SDK1: variants seen among roughly 807,000 people sequenced by gnomAD.
The protein encoded by SDK1 is protein sidekick-1.
Under a neutral mutation model 245.5 loss-of-function variants are expected in SDK1, and 157 were observed. The ratio of observed to expected loss-of-function variants is 0.64; its 90% CI spans 0.56 to 0.73. SDK1 has a LOEUF of 0.73. Among genes scored for constraint, SDK1 ranks in the 30% least tolerant of loss-of-function variants. The probability of loss-of-function intolerance (pLI) is 0.00; values close to 1 mark genes in which losing one functional copy is unlikely to be tolerated. For synonymous variants in SDK1, 1,647 were observed against 1,278.5 expected, an observed-to-expected ratio of 1.29 and a Z score of -6.15; for missense variants, 3,583 against 3,002.3, an observed-to-expected ratio of 1.19 and a Z score of -4.52.
chr7:3,699,975 AG>A (rs902485593), intron 4 of SDK1, among the ~76,000 whole-genome samples: 1 of 127,376 alleles, frequency 7.9e-6, no homozygotes, highest in Non-Finnish European at 1.6e-5. Flanking sequence ...CCTGACATAT[AG>A]GGGGAAACAA....
At chr7:3,627,584 T>A (rs1782159606) in intron 2 of SDK1, among the ~76,000 whole-genome samples, 1 of 152,216 alleles carries the variant, frequency 6.6e-6, no homozygotes, top group Non-Finnish European at 1.5e-5. Context: ...TGTGTCGCAC[T>A]GAGGGCTCAG....
At chr7:3,366,448 G>A (rs1781093701) in intron 1 of SDK1, among the ~76,000 whole-genome samples, 1 of 151,850 alleles carries the variant, frequency 6.6e-6, no homozygotes, top group Non-Finnish European at 1.5e-5. Context: ...TAAGTACTGG[G>A]TAATTTTGCC....
In SDK1 at chr7:3,523,793, A is replaced by G. The variant is rs144865751; in HGVS notation, c.299-95287A>G. On this transcript the variant is annotated intron_variant, in intron 1 of 44. Coordinates refer to ENST00000404826, the MANE Select transcript of SDK1 (RefSeq NM_152744.4). ...AAATATTAAGGTTAATTTTTTAAATATTCTACCAGCCAATTTAGTCTCTTT... is the reference window on the plus strand; with the variant it reads ...AAATATTAAGGTTAATTTTTTAAATGTTCTACCAGCCAATTTAGTCTCTTT... Among the ~76,000 whole-genome samples, 12 of 152,346 alleles carry G rather than the reference A, an allele frequency of 7.9e-5. No homozygotes were observed. In the South Asian group the frequency reaches 1.0e-3, roughly 13 times the overall value.
intron 4 of SDK1, among the ~76,000 whole-genome samples, chr7:3,647,903 G>T (rs912010417): frequency 6.6e-6 from 1 of 152,118 alleles, no homozygotes; most frequent in African/African-American, 2.4e-5. Context: ...CAAACCTCAA[G>T]GAAAAACGCT....
intron 1 of SDK1, among the ~76,000 whole-genome samples, chr7:3,336,815 C>T (rs1205847788): frequency 1.3e-5 from 2 of 152,176 alleles, no homozygotes; most frequent in Non-Finnish European, 2.9e-5. Flanking sequence ...TGAACTCTCA[C>T]CCCATCTGTC....
chr7:3,888,015 G>C (rs939973002), intron 5 of SDK1, among the ~76,000 whole-genome samples: 2 of 152,164 alleles, frequency 1.3e-5, no homozygotes, highest in Admixed American at 6.5e-5. Context: ...AACAATAAAG[G>C]TGCTTTTCAA....
chr7:3,723,910 A>G (rs1187365789), intron 4 of SDK1, among the ~76,000 whole-genome samples: 1 of 131,130 alleles, frequency 7.6e-6, no homozygotes, highest in Non-Finnish European at 1.6e-5. Context: ...ATACACGTAC[A>G]TATATATATA....
At chr7:3,415,675 C>T (rs1364309850) in intron 1 of SDK1, among the ~76,000 whole-genome samples, 1 of 150,756 alleles carries the variant, frequency 6.6e-6, no homozygotes, top group Admixed American at 6.6e-5. Context: ...GCTGCAAACC[C>T]ATGCCAGTTT....
chr7:3,496,391 T>G, intron 1 of SDK1, among the ~76,000 whole-genome samples: 1 of 147,306 alleles, frequency 6.8e-6, no homozygotes, highest in East Asian at 1.9e-4. Context: ...CCATTTTATC[T>G]TCTTTTTATT....
chr7:4,249,009 A>G (rs1260805557), intron 44 of SDK1, among the ~76,000 whole-genome samples: 1 of 152,098 alleles, frequency 6.6e-6, no homozygotes, highest in East Asian at 1.9e-4. Flanking sequence ...ACATACCTAA[A>G]TACACACATG....
At chr7:4,129,687 G>A (rs1584232975) in intron 26 of SDK1, 3 of 1,396,538 alleles carry the variant, frequency 2.1e-6, no homozygotes, top group East Asian at 5.5e-5. Context: ...CAAGCCGTGG[G>A]CACTAACTCA....
In SDK1 at chr7:3,348,098, C is replaced by T. The variant is rs967573072; in HGVS notation, c.298+46214C>T. 8.5e-4 allele frequency among the ~76,000 whole-genome samples: 129 copies of T among 152,272 alleles called. 1 individual carries two copies. The highest frequency in any genetic ancestry group is 2.9e-3 in the African/African-American group (119 of 41,542). ...TTGGTGTGTTTACCTCCCTAAATGT[C>T]TCTCACCTCTAAAGTGGGGACGATG... On this transcript the variant is annotated intron_variant, in intron 1 of 44. Transcript: ENST00000404826.
intron 4 of SDK1, among the ~76,000 whole-genome samples, chr7:3,696,972 A>G (rs1028099583): frequency 2.0e-5 from 3 of 152,074 alleles, no homozygotes; most frequent in Non-Finnish European, 4.4e-5. Context: ...ATGGAATGGT[A>G]GTGCGAAATA....
chr7:4,062,687 T>G (rs1043570129), intron 19 of SDK1, among the ~76,000 whole-genome samples: 52 of 152,148 alleles, frequency 3.4e-4, no homozygotes, highest in African/African-American at 1.2e-3. Context: ...CTGATGAACA[T>G]AGACACAAAA....
intron 1 of SDK1, among the ~76,000 whole-genome samples, chr7:3,491,746 T>C (rs962758050): frequency 2.0e-5 from 3 of 152,248 alleles, no homozygotes; most frequent in African/African-American, 7.2e-5. Flanking sequence ...TACGGCTTTT[T>C]AAATGAGCTG....
chr7:3,756,184 T>G (rs1779924858), intron 4 of SDK1, among the ~76,000 whole-genome samples: 1 of 151,074 alleles, frequency 6.6e-6, no homozygotes, highest in South Asian at 2.1e-4. Context: ...GTTTTGAACC[T>G]GACTCCTTTC....
Position 3,346,871 on chromosome 7 carries a change from A to G in SDK1, c.298+44987A>G, listed in dbSNP as rs538132991. Among the ~76,000 whole-genome samples, 4 of 63,598 alleles carry G rather than the reference A, an allele frequency of 6.3e-5. 1 individual carries two copies. The highest frequency in any genetic ancestry group is 4.5e-4 in the Admixed American group (2 of 4,432). 41.7% of individuals were successfully genotyped at this position (63,598 alleles called of 152,430 possible). ...TTTTTTGGTATAGCAGTGTTTTGCT[A>G]TGTTGCCCAGGCTGGTCTCGAACTC... On this transcript the variant is annotated intron_variant, in intron 1 of 44. Transcript: ENST00000404826.
At chr7:3,979,057 G>A (rs1038412802) in intron 13 of SDK1, among the ~76,000 whole-genome samples, 1 of 152,178 alleles carries the variant, frequency 6.6e-6, no homozygotes, top group Non-Finnish European at 1.5e-5. Flanking sequence ...AGTCCTGATG[G>A]GGCTGCTGGA....
At chr7:3,635,817 C>G (rs906361209) in intron 2 of SDK1, among the ~76,000 whole-genome samples, 5 of 152,152 alleles carry the variant, frequency 3.3e-5, no homozygotes, top group African/African-American at 9.7e-5. Context: ...GGTGATCTTC[C>G]CACCTCAGCC....
Sources: allele counts gnomAD v4.1 joint callset (sites outside exome capture counted in the v4.1 genomes callset), GRCh38; gene constraint gnomAD v4.1.1; transcripts MANE v1.5; gene names NCBI Gene and HGNC (gene_info 2026-07-23, HGNC 2026-07-21).